Variants in CEBPZ observed in about 807,000 individuals in gnomAD.
CEBPZ encodes the protein CCAAT/enhancer-binding protein zeta.
A neutral mutation model predicts 104.5 loss-of-function variants in CEBPZ; 78 were observed. The ratio of observed to expected loss-of-function variants is 0.75; its 90% CI spans 0.62 to 0.90. The LOEUF is 0.90. Among genes scored for constraint, CEBPZ ranks in the 40% least tolerant of loss-of-function variants. The pLI, the probability that CEBPZ is intolerant of heterozygous loss-of-function variation, is 0.00. For synonymous variants in CEBPZ, 470 were observed against 427.0 expected (o/e 1.10, Z -1.24); for missense variants, 1,439 against 1,233.5 (o/e 1.17, Z -2.50).
chr2:37,223,818 G>GGGACC (rs1201943426), intron 2 of CEBPZ, among the ~76,000 whole-genome samples: 1 of 152,200 alleles, frequency 6.6e-6, no homozygotes, highest in Non-Finnish European at 1.5e-5. Flanking sequence ...TACTAGCAGG[G>GGGACC]GGACCAGAGG....
intron 5 of CEBPZ, among the ~76,000 whole-genome samples, chr2:37,218,359 C>G (rs950168831): frequency 3.3e-5 from 5 of 152,170 alleles, no homozygotes; most frequent in Non-Finnish European, 5.9e-5. Context: ...TTGCAAATCT[C>G]TTTAATGTCT....
In CEBPZ at chr2:37,202,986, G is replaced by GTTTCTTTTCTTTTTTCTTGGCCC. The variant is rs1677351101; in HGVS notation, c.2885-1_2906dup (p.Asn969LysfsTer10). ...ATACAAATAGGCTGGAATCATTTAA[G>GTTTCTTTTCTTTTTTCTTGGCCC]TTTCTTTTCTTTTTTCTTGGCCCTA... is the stretch of plus-strand genomic sequence containing the variant. On this transcript the variant is annotated frameshift_variant, in exon 14 of 16. Coordinates refer to ENST00000234170, the MANE Select transcript of CEBPZ (RefSeq NM_005760.3). LOFTEE classifies it high-confidence loss of function. The GTTTCTTTTCTTTTTTCTTGGCCC allele has an allele frequency of 1.3e-6, 2 of 1,551,166 alleles. No homozygotes were observed. The highest frequency in any genetic ancestry group is 1.7e-6 in the Non-Finnish European group (2 of 1,152,514).
chr2:37,223,639 G>T (rs1182113017), intron 2 of CEBPZ, among the ~76,000 whole-genome samples: 2 of 152,150 alleles, frequency 1.3e-5, no homozygotes, highest in African/African-American at 2.4e-5. Flanking sequence ...TGAGTGTGTG[G>T]TTTTCTTGTC....
rs1249350545 is a variant in CEBPZ at position 37,228,893 on chromosome 2, G to A, written c.300C>T (p.Ser100=). Residue 100 remains serine (S), a synonymous_variant, in exon 2 of 16, where the codon TCC becomes TCT. Coordinates refer to ENST00000234170, the MANE Select transcript of CEBPZ (RefSeq NM_005760.3). ...CAGCTGGTTCATCTTCTTCAACTAA[G>A]GAAGCTTTTGTATACTTCGCCAAAT... ...NLNLAKYTKA[S]LVEEDEPAEK... is the part of the protein sequence containing the mutation. The A allele has an allele frequency of 1.2e-6, 2 of 1,609,136 alleles. No homozygotes were observed. The highest frequency in any genetic ancestry group is 1.7e-6 in the Non-Finnish European group (2 of 1,178,554).
Position 37,223,317 on chromosome 2 carries a change from A to C in CEBPZ, c.1734T>G (p.Ile578Met), listed in dbSNP as rs770900224. The C allele has an allele frequency of 6.2e-7, 1 of 1,614,152 alleles. No individual in the cohort carries two copies. The highest frequency in any genetic ancestry group is 1.1e-5 in the South Asian group (1 of 91,072). Residue 578 changes from isoleucine to methionine, a missense_variant, in exon 3 of 16, where the codon ATT becomes ATG. Transcript: ENST00000234170. ...NLVYKSLKAD[I>M]VLRRVKAFVK... ...CAAAAGCCTTCACCCGGCGCAACAC[A>C]ATGTCAGCTTTCAGAGATTTGTAGA...
intron 13 of CEBPZ, 76 bp from the exon 14 acceptor site, chr2:37,203,084 T>C: frequency 9.9e-7 from 1 of 1,005,246 alleles, no homozygotes; most frequent in Non-Finnish European, 1.4e-6. Context: ...AACATGATTT[T>C]ATTTTAAAAA....
Position 37,211,046 on chromosome 2 carries a change from C to A in CEBPZ, c.2837G>T (p.Ser946Ile). 6.2e-7 allele frequency: 1 copy of A among 1,612,228 alleles called. No individual in the cohort carries two copies. Among genetic ancestry groups the A allele is most frequent in the Non-Finnish European group, 8.5e-7 (1 of 1,179,468 alleles). The change falls in exon 13 of 16, where the codon AGC becomes ATC. Residue 946 changes from serine to isoleucine, a missense_variant. Physicochemically the swap from Ser to Ile is moderately radical, Grantham distance 142. Coordinates refer to ENST00000234170, the MANE Select transcript of CEBPZ (RefSeq NM_005760.3). ...EVHSKVSTKKSKRKGTDDFDF... is the reference protein window; with the variant it reads ...EVHSKVSTKKIKRKGTDDFDF... ...AAAATCATCTGTACCTTTTCTCTTG[C>A]TTTTCTTAGTACTGACTTTGGAGTG...
Position 37,211,912 on chromosome 2 carries a change from ATTC to A in CEBPZ, c.2728_2730del (p.Glu910del). On this transcript the variant is annotated inframe_deletion, in exon 12 of 16. Transcript: ENST00000234170. ...CCTCCATCTTCATCAACTTCAGCAA[ATTC>A]TTCATCATCCATACTTCCTAAAGAA... 1.2e-6 allele frequency: 2 copies of A among 1,613,294 alleles called. No homozygotes were observed. Among genetic ancestry groups the A allele is most frequent in the Non-Finnish European group, 1.7e-6 (2 of 1,179,780 alleles).
chr2:37,218,038 C>T lies in CEBPZ; in HGVS notation c.2155-1001G>A, dbSNP rs368767676. On this transcript the variant is annotated intron_variant, in intron 5 of 15. Coordinates refer to ENST00000234170, the MANE Select transcript of CEBPZ (RefSeq NM_005760.3). ...ATCCCAGCATTTTGGGAGGCCGAGG[C>T]GGGCGGATCACGAGGTCAGGAGATC... is the stretch of plus-strand genomic sequence containing the variant. Among the ~76,000 whole-genome samples the T allele has an allele frequency of 5.6e-4, 82 of 147,642 alleles. No individual in the cohort carries two copies. In the East Asian group the frequency reaches 6.7e-3, roughly 12 times the overall value.
At chr2:37,215,195 C>A (rs1326461171) in intron 8 of CEBPZ, 2 of 324,122 alleles carry the variant, frequency 6.2e-6, no homozygotes, top group African/African-American at 2.1e-5. Context: ...CTGTCAGTGC[C>A]GTTACAGTGA....
chr2:37,203,881 G>A (rs1276033623), intron 13 of CEBPZ: 3 of 152,088 alleles, frequency 2.0e-5, no homozygotes, highest in East Asian at 1.9e-4. Flanking sequence ...TCCATGCCAT[G>A]TTGTGGGCTA....
chr2:37,203,313 T>A (rs1211380210), intron 13 of CEBPZ: 1 of 189,824 alleles, frequency 5.3e-6, no homozygotes. Flanking sequence ...AATAGTAAAA[T>A]TATCAGTTTG....
At chr2:37,202,603 C>T in intron 15 of CEBPZ, 181 bp downstream of exon 15, 1 of 371,884 alleles carries the variant, frequency 2.7e-6, no homozygotes, top group Non-Finnish European at 4.6e-6. Context: ...CAAGATCATG[C>T]CACTGCATTC....
chr2:37,221,960 A>T (rs956055451), intron 4 of CEBPZ, among the ~76,000 whole-genome samples: 1 of 152,226 alleles, frequency 6.6e-6, no homozygotes, highest in African/African-American at 2.4e-5. Context: ...TATCTTGAAC[A>T]GAAAGTTTTC....
rs1169107976 is a variant in CEBPZ at position 37,228,435 on chromosome 2, A to G, written c.758T>C (p.Leu253Pro). The G allele has an allele frequency of 3.7e-6, 6 of 1,614,106 alleles. No individual in the cohort carries two copies. Among genetic ancestry groups the G allele is most frequent in the Non-Finnish European group, 5.1e-6 (6 of 1,180,042 alleles). The change falls in exon 2 of 16, where the codon CTT becomes CCT. Residue 253 changes from leucine (L) to proline (P), a missense_variant. Transcript: ENST00000234170. ...GTGAACGGCATCATCCTGAATAAGA[A>G]GAATCATGGCTGCCATCCTGTCACC... ...TLGDRMAAMI[L>P]LIQDDAVHTL...
At chr2:37,223,512 G>A in intron 2 of CEBPZ, 111 bp from the exon 3 acceptor site, 1 of 882,294 alleles carries the variant, frequency 1.1e-6, no homozygotes. Context: ...TAACTTTGCT[G>A]CTTATTTTAG....
chr2:37,221,128 G>A (rs779686874), intron 4 of CEBPZ, among the ~76,000 whole-genome samples: 9 of 152,028 alleles, frequency 5.9e-5, no homozygotes, highest in Non-Finnish European at 8.8e-5. Flanking sequence ...GAGACCAGCC[G>A]GTGCACAGAG....
In CEBPZ at chr2:37,203,021, G is replaced by GT. The variant is rs1677355538; in HGVS notation, c.2885-14dup. ...TTTTTTCTTGGCCCTAAAAAAAATT[G>GT]TAAGTCTACATTATTCAATTATAAA... On this transcript the variant is annotated splice_polypyrimidine_tract_variant and intron_variant, in intron 13 of 15. Transcript: ENST00000234170. 4.0e-6 allele frequency: 6 copies of GT among 1,500,720 alleles called. No homozygotes were observed. Among genetic ancestry groups the GT allele is most frequent in the African/African-American group, 2.8e-5 (2 of 70,504 alleles). 93.0% of individuals were successfully genotyped at this position (1,500,720 alleles called of 1,614,324 possible). A position where few individuals can be genotyped will look rare whatever the true frequency, so the allele number is the denominator to read the frequency against.
intron 2 of CEBPZ, among the ~76,000 whole-genome samples, chr2:37,226,701 C>T (rs964531880): frequency 4.6e-5 from 7 of 152,056 alleles, no homozygotes; most frequent in African/African-American, 1.4e-4. Flanking sequence ...GTCTAAGATA[C>T]GAACCACTAC....
Sources: allele counts gnomAD v4.1 joint callset (sites outside exome capture counted in the v4.1 genomes callset), GRCh38; gene constraint gnomAD v4.1.1; transcripts MANE v1.5; gene names NCBI Gene and HGNC (gene_info 2026-07-23, HGNC 2026-07-21).